SEZ6L: variants seen among roughly 807,000 people sequenced by gnomAD.
SEZ6L encodes seizure related 6 homolog like.
In SEZ6L, 37 loss-of-function variants were observed where a neutral mutation model predicts 106.2. That is an observed-to-expected ratio of 0.35 (90% CI 0.27 to 0.46). The LOEUF is 0.46. Ranked by LOEUF, SEZ6L falls within the 20% of genes least tolerant of loss-of-function variation. The pLI is 1.00. For synonymous variants in SEZ6L, 541 were observed against 570.4 expected, an observed-to-expected ratio of 0.95 and a Z score of 0.73; for missense variants, 1,172 against 1,332.8, an observed-to-expected ratio of 0.88 and a Z score of 1.88.
intron 1 of SEZ6L, among the ~76,000 whole-genome samples, chr22:26,226,337 A>G (rs940888221): frequency 2.0e-5 from 3 of 152,142 alleles, no homozygotes; most frequent in Non-Finnish European, 4.4e-5. Flanking sequence ...ACCTCTCACC[A>G]CTGCTCAAGC....
intron 1 of SEZ6L, among the ~76,000 whole-genome samples, chr22:26,265,232 C>T (rs1180706088): frequency 6.6e-6 from 1 of 152,162 alleles, no homozygotes; most frequent in Non-Finnish European, 1.5e-5. Context: ...TGTGCACCTC[C>T]CTTGTCAACC....
At chr22:26,249,762 C>T (rs1235536885) in intron 1 of SEZ6L, among the ~76,000 whole-genome samples, 1 of 152,136 alleles carries the variant, frequency 6.6e-6, no homozygotes, top group Non-Finnish European at 1.5e-5. Context: ...ATACTGTTTT[C>T]CATAATGGCT....
At chr22:26,296,428 G>A (rs1242709682) in intron 3 of SEZ6L, among the ~76,000 whole-genome samples, 2 of 152,164 alleles carry the variant, frequency 1.3e-5, no homozygotes, top group Non-Finnish European at 2.9e-5. Flanking sequence ...TCTAGGCACT[G>A]GAAACATTGA....
chr22:26,182,622 G>A (rs1357159370), intron 1 of SEZ6L, among the ~76,000 whole-genome samples: 2 of 151,964 alleles, frequency 1.3e-5, no homozygotes, highest in Non-Finnish European at 2.9e-5. Context: ...AGGGGCCCTG[G>A]TGTATAATAA....
At chr22:26,221,724 GCGCGTGCACA>G (rs747953449) in intron 1 of SEZ6L, among the ~76,000 whole-genome samples, 8 of 148,180 alleles carry the variant, frequency 5.4e-5, no homozygotes, top group South Asian at 2.1e-4. Flanking sequence ...CTGAATTCAT[GCGCGTGCACA>G]CGCGTGCACA....
intron 13 of SEZ6L, 42 bp downstream of exon 13, chr22:26,365,608 A>G: frequency 6.5e-7 from 1 of 1,544,994 alleles, no homozygotes; most frequent in Non-Finnish European, 8.9e-7. Flanking sequence ...CGGGGCCTGG[A>G]GATGTCAGGC....
At chr22:26,369,314 G>A (rs985755265) in intron 13 of SEZ6L, among the ~76,000 whole-genome samples, 4 of 149,020 alleles carry the variant, frequency 2.7e-5, no homozygotes, top group Admixed American at 6.7e-5. Flanking sequence ...CTCATCACGT[G>A]AATGACAATG....
intron 1 of SEZ6L, among the ~76,000 whole-genome samples, chr22:26,287,212 G>A (rs1368092238): frequency 6.6e-6 from 1 of 152,176 alleles, no homozygotes; most frequent in Non-Finnish European, 1.5e-5. Flanking sequence ...GCATGGCTCT[G>A]TCCTTTGGGG....
At chr22:26,328,913 C>T (rs907428270) in intron 9 of SEZ6L, among the ~76,000 whole-genome samples, 4 of 152,106 alleles carry the variant, frequency 2.6e-5, no homozygotes, top group African/African-American at 9.7e-5. Flanking sequence ...CAGGAGAACC[C>T]CCTGGGAATG....
chr22:26,353,464 CTA>C (rs1322565397), intron 12 of SEZ6L, among the ~76,000 whole-genome samples: 3 of 152,150 alleles, frequency 2.0e-5, no homozygotes, highest in Non-Finnish European at 4.4e-5. Context: ...TTTCTAGACA[CTA>C]TATATATGTG....
chr22:26,361,506 CAAAAAA>C (rs530265526), intron 12 of SEZ6L, among the ~76,000 whole-genome samples: 31 of 130,686 alleles, frequency 2.4e-4, no homozygotes, highest in African/African-American at 8.1e-4. Context: ...GACTCTGTCT[CAAAAAA>C]AAAAAAAAAT....
At chr22:26,315,105 T>C (rs942324435) in intron 9 of SEZ6L, among the ~76,000 whole-genome samples, 23 of 152,246 alleles carry the variant, frequency 1.5e-4, no homozygotes, top group Non-Finnish European at 4.4e-5. Flanking sequence ...TCTCTGGCTC[T>C]ACAGAGGAAC....
Position 26,169,647 on chromosome 22 carries a change from G to T in SEZ6L, c.-23G>T. 9.5e-7 allele frequency: 1 copy of T among 1,048,458 alleles called. No individual in the cohort carries two copies. Among genetic ancestry groups the T allele is most frequent in the East Asian group, 3.3e-5 (1 of 30,746 alleles). 64.9% of individuals were successfully genotyped at this position (1,048,458 alleles called of 1,614,324 possible). A position where few individuals can be genotyped will look rare whatever the true frequency, so the allele number is the denominator to read the frequency against. On this transcript the variant is annotated 5_prime_UTR_variant, in exon 1 of 17. Coordinates refer to ENST00000248933, the MANE Select transcript of SEZ6L (RefSeq NM_021115.5). ...CCGTCCGCCCGCCCCACAGCCAGCG[G>T]CTCCGCGCCCCCTGCAGCCACGATG...
At chr22:26,268,722 C>A (rs1043025702) in intron 1 of SEZ6L, among the ~76,000 whole-genome samples, 4 of 152,184 alleles carry the variant, frequency 2.6e-5, no homozygotes, top group African/African-American at 9.7e-5. Flanking sequence ...GCAATACCCT[C>A]GGCTTCCATC....
intron 1 of SEZ6L, among the ~76,000 whole-genome samples, chr22:26,227,501 G>A (rs1276140796): frequency 2.0e-5 from 3 of 152,136 alleles, no homozygotes; most frequent in Admixed American, 2.0e-4. Context: ...TTGAACTCCT[G>A]GATTCAAGCA....
At chr22:26,380,196 A>C in intron 16 of SEZ6L, 70 bp from the exon 17 acceptor site, 6 of 1,460,096 alleles carry the variant, frequency 4.1e-6, no homozygotes, top group Non-Finnish European at 4.8e-6. Flanking sequence ...GGTGCAAAGA[A>C]CTGCATCCCC....
At chr22:26,278,999 A>T (rs9613150) in intron 1 of SEZ6L, among the ~76,000 whole-genome samples, 1 of 135,528 alleles carries the variant, frequency 7.4e-6, no homozygotes. Flanking sequence ...GAAGGAAGGA[A>T]GGAAGGAAGG....
intron 1 of SEZ6L, among the ~76,000 whole-genome samples, chr22:26,265,784 C>G (rs900094823): frequency 2.0e-5 from 3 of 152,174 alleles, no homozygotes; most frequent in African/African-American, 7.2e-5. Flanking sequence ...TGGTCGGTGG[C>G]AAGAGGCAGA....
At position 26,376,785 on chromosome 22, in the gene SEZ6L, G is replaced by A. The variant is rs76607386; in HGVS notation, c.2943-888G>A. Among the ~76,000 whole-genome samples the A allele has an allele frequency of 9.3e-3, 1,408 of 152,192 alleles. 19 individuals carry two copies. The highest frequency in any genetic ancestry group is 0.032 in the African/African-American group (1,335 of 41,518). ...AAACCTATGCAAATATGTGAAAAAG[G>A]AGGGTTTCATGCAGGGAAACAGCAT... is the stretch of plus-strand genomic sequence containing the variant. On this transcript the variant is annotated intron_variant, in intron 15 of 16. Transcript: ENST00000248933.
Sources: gnomAD v4.1 joint callset for allele counts (sites outside exome capture counted in the v4.1 genomes callset) on GRCh38, gnomAD v4.1.1 for gene constraint, MANE v1.5 for transcripts, NCBI Gene and HGNC (gene_info 2026-07-23, HGNC 2026-07-21) for gene names.